BBS4: variants seen among roughly 807,000 people sequenced by gnomAD.
BBS4 encodes BBSome complex member BBS4.
In BBS4, 58 loss-of-function variants were observed where a neutral mutation model predicts 71.4. The observed-to-expected ratio is 0.81, with a 90% CI of 0.66 to 1.01. The LOEUF is 1.01. Among genes scored for constraint, BBS4 ranks in the 50% least tolerant of loss-of-function variants. BBS4 has a pLI of 0.00. For missense variants in BBS4, 660 were observed against 607.9 expected, an observed-to-expected ratio of 1.09 and a Z score of -0.90; for synonymous variants, 228 against 216.8, an observed-to-expected ratio of 1.05 and a Z score of -0.46.
At chr15:72,701,613 G>A (rs970983863) in intron 2 of BBS4, among the ~76,000 whole-genome samples, 1 of 152,100 alleles carries the variant, frequency 6.6e-6, no homozygotes, top group African/African-American at 2.4e-5. Context: ...GCTTATATGT[G>A]CATAGAAATT....
chr15:72,696,960 G>C (rs1266096946), intron 2 of BBS4, among the ~76,000 whole-genome samples: 2 of 148,516 alleles, frequency 1.3e-5, no homozygotes, highest in Non-Finnish European at 3.0e-5. Flanking sequence ...TGAGGCGGAG[G>C]CTCGCTCTGT....
rs376830638 is a variant in BBS4 at position 72,737,623 on chromosome 15, G to A, written c.*36G>A. ...AATGACCCCAAAATAGGGTTTTCTT[G>A]GGCGAGGATGTGCTGGATTAGGAAA... On this transcript the variant is annotated 3_prime_UTR_variant, in exon 16 of 16. Coordinates refer to ENST00000268057, the MANE Select transcript of BBS4 (RefSeq NM_033028.5). 1.1e-4 allele frequency: 163 copies of A among 1,500,088 alleles called. No homozygotes were observed. In the African/African-American group the frequency reaches 1.5e-3, roughly 14 times the overall value. The allele number at this position is 1,500,088 out of a possible 1,614,324, so 92.9% of individuals were successfully genotyped here.
At chr15:72,686,307 G>T in intron 1 of BBS4, 56 bp downstream of exon 1, 1 of 1,551,140 alleles carries the variant, frequency 6.4e-7, no homozygotes. Flanking sequence ...AAGCTGGCGG[G>T]TGGCTTTTGT....
chr15:72,711,516 C>T (rs1335915867), intron 3 of BBS4, among the ~76,000 whole-genome samples: 2 of 152,204 alleles, frequency 1.3e-5, no homozygotes, highest in Non-Finnish European at 2.9e-5. Context: ...TCTTATCACA[C>T]TTTTCTTAGC....
chr15:72,713,153 C>T (rs1360202144), intron 4 of BBS4, among the ~76,000 whole-genome samples: 1 of 151,848 alleles, frequency 6.6e-6, no homozygotes, highest in African/African-American at 2.4e-5. Context: ...CGACACCTGG[C>T]CCTTTATGCT....
In BBS4 at chr15:72,729,838, A is replaced by G. The variant is rs561723909; in HGVS notation, c.711+154A>G. Among the ~76,000 whole-genome samples, 6 of 152,342 alleles carry G rather than the reference A, an allele frequency of 3.9e-5. No homozygotes were observed. In the South Asian group the frequency reaches 8.3e-4, roughly 21 times the overall value. ...TAAAAGGTGGCTCTTCTTATTTGAA[A>G]ATAGTGTCAAGTATGCTCTACTTAT... On this transcript the variant is annotated intron_variant, in intron 10 of 15. Coordinates refer to ENST00000268057, the MANE Select transcript of BBS4 (RefSeq NM_033028.5).
At chr15:72,687,124 C>CTTTTTTTTTTTTTTTTTTTTT (rs1458417621) in intron 1 of BBS4, among the ~76,000 whole-genome samples, 1,011 of 76,174 alleles carry the variant, frequency 0.013, 273 homozygotes, top group African/African-American at 0.028. Context: ...AAGACAGAAA[C>CTTTTTTTTTTTTTTTTTTTTT]TTTTTTTTTT....
intron 5 of BBS4, among the ~76,000 whole-genome samples, chr15:72,716,184 A>G (rs541805169): frequency 2.8e-4 from 42 of 152,170 alleles, no homozygotes; most frequent in Admixed American, 2.4e-3. Context: ...GAGCATCTCT[A>G]TTTGTTGAGT....
rs1595927990 is a variant in BBS4 at position 72,715,337 on chromosome 15, C to T, written c.267C>T (p.Leu89=). The T allele has an allele frequency of 6.2e-7, 1 of 1,614,110 alleles. No homozygotes were observed. The stretch of plus-strand genomic sequence containing the variant: ...GAAATATCCAAGAATCCCTAGAACT[C>T]TTCCAGACATGTGCAGTTCTTAGTC... The part of the protein sequence containing the change: ...LEGNIQESLE[L]FQTCAVLSPQ... Residue 89 remains leucine, a synonymous_variant, in exon 5 of 16, where the codon CTC becomes CTT. Transcript: ENST00000268057.
intron 12 of BBS4, among the ~76,000 whole-genome samples, chr15:72,733,930 GATGTT>G (rs1175991437): frequency 2.0e-5 from 3 of 152,120 alleles, no homozygotes; most frequent in Admixed American, 1.3e-4. Flanking sequence ...GCCTCACCAG[GATGTT>G]ATATTTTGAG....
intron 1 of BBS4, among the ~76,000 whole-genome samples, chr15:72,694,818 G>A (rs946618025): frequency 6.6e-6 from 1 of 152,072 alleles, no homozygotes; most frequent in South Asian, 2.1e-4. Flanking sequence ...ATCAAACAGC[G>A]ATCACTTTTT....
intron 3 of BBS4, among the ~76,000 whole-genome samples, chr15:72,710,276 T>C (rs571057726): frequency 1.4e-5 from 2 of 140,280 alleles, no homozygotes; most frequent in East Asian, 4.3e-4. Flanking sequence ...TCTTGGCTCA[T>C]TGCAGCCTTT....
intron 6 of BBS4, 140 bp from the exon 7 acceptor site, chr15:72,722,654 T>TAA (rs2065598343): frequency 1.4e-6 from 1 of 717,898 alleles, no homozygotes; most frequent in African/African-American, 1.8e-5. Flanking sequence ...GTATGAACTC[T>TAA]AATAAAAAGC....
intron 9 of BBS4, 137 bp downstream of exon 9, chr15:72,728,131 C>T (rs559210214): frequency 1.9e-5 from 13 of 672,984 alleles, no homozygotes; most frequent in East Asian, 1.1e-4. Context: ...TCTCTCTATT[C>T]GATACTCTTT....
intron 2 of BBS4, among the ~76,000 whole-genome samples, chr15:72,701,633 TACTC>T (rs1035382235): frequency 3.3e-5 from 5 of 152,092 alleles, no homozygotes; most frequent in South Asian, 4.1e-4. Context: ...TCCTTGAAAA[TACTC>T]AAGAAATGCT....
At chr15:72,694,924 A>G (rs925400847) in intron 1 of BBS4, among the ~76,000 whole-genome samples, 1 of 152,234 alleles carries the variant, frequency 6.6e-6, no homozygotes, top group Non-Finnish European at 1.5e-5. Flanking sequence ...ACTATATACT[A>G]TAATTATACA....
At chr15:72,686,715 G>C (rs902376411) in intron 1 of BBS4, 1 of 536,484 alleles carries the variant, frequency 1.9e-6, no homozygotes, top group Admixed American at 3.0e-5. Context: ...TACGGTTTTG[G>C]AATTCATCTG....
chr15:72,689,785 TTTATTTA>T (rs2064949757), intron 1 of BBS4, among the ~76,000 whole-genome samples: 1 of 97,300 alleles, frequency 1.0e-5, no homozygotes, highest in African/African-American at 4.4e-5. Context: ...AATCTTTTTA[TTTATTTA>T]TTTATTTATT....
In BBS4 at chr15:72,725,676, TCCCTTCCCCTTCCCCGTTTTC is replaced by T. The variant is rs1314757469; in HGVS notation, c.587+1030_587+1050del. ...TATCTTTTTTCCCCCTTCCCCATTT[TCCCTTCCCCTTCCCCGTTTTC>T]CCCTTCCCTTTCCCCGTTTTCCCTT... On this transcript the variant is annotated intron_variant, in intron 8 of 15. Transcript: ENST00000268057. Among the ~76,000 whole-genome samples the T allele has an allele frequency of 2.9e-4, 41 of 143,472 alleles. No homozygotes were observed. The East Asian group carries it at 3.5e-3, about 12-fold the overall frequency. The allele number at this position is 143,472 out of a possible 152,430, so 94.1% of individuals were successfully genotyped here. A position where few individuals can be genotyped will look rare whatever the true frequency, so the allele number is the denominator to read the frequency against.
Sources: allele counts gnomAD v4.1 joint callset (sites outside exome capture counted in the v4.1 genomes callset), GRCh38; gene constraint gnomAD v4.1.1; transcripts MANE v1.5; gene names NCBI Gene and HGNC (gene_info 2026-07-23, HGNC 2026-07-21).